Variants in NEDD4L observed in about 807,000 individuals in gnomAD.
NEDD4L encodes E3 ubiquitin-protein ligase NEDD4-like.
In NEDD4L, 54 loss-of-function variants were observed where a neutral mutation model predicts 148.9. The ratio of observed to expected loss-of-function variants is 0.36; its 90% CI spans 0.29 to 0.45. The LOEUF is 0.45. Ranked by LOEUF, NEDD4L falls within the 20% of genes least tolerant of loss-of-function variation. The pLI is 1.00. For missense variants in NEDD4L, 856 were observed against 1,233.8 expected (o/e 0.69, Z 4.59); for synonymous variants, 433 against 440.7 (o/e 0.98, Z 0.22).
At chr18:58,321,349 C>A (rs1310727372) in intron 6 of NEDD4L, among the ~76,000 whole-genome samples, 1 of 152,200 alleles carries the variant, frequency 6.6e-6, no homozygotes, top group South Asian at 2.1e-4. Context: ...AGTCAGCTGT[C>A]CAGCAGAGGG....
intron 2 of NEDD4L, among the ~76,000 whole-genome samples, chr18:58,174,488 A>G (rs1028988124): frequency 6.6e-6 from 1 of 152,098 alleles, no homozygotes; most frequent in African/African-American, 2.4e-5. Context: ...GCTGCTTCCT[A>G]TCACTATCAA....
intron 24 of NEDD4L, among the ~76,000 whole-genome samples, chr18:58,378,940 G>C (rs1297729515): frequency 6.6e-6 from 1 of 152,250 alleles, no homozygotes; most frequent in Non-Finnish European, 1.5e-5. Flanking sequence ...GTGAGGAAGA[G>C]AGCCAAGTTT....
intron 1 of NEDD4L, among the ~76,000 whole-genome samples, chr18:58,068,692 C>T (rs2082728414): frequency 6.6e-6 from 1 of 152,158 alleles, no homozygotes; most frequent in African/African-American, 2.4e-5. Flanking sequence ...TGGTTATTTT[C>T]CGTTGATTCA....
chr18:58,174,756 C>T (rs1215723949), intron 2 of NEDD4L, among the ~76,000 whole-genome samples: 2 of 152,112 alleles, frequency 1.3e-5, no homozygotes, highest in African/African-American at 4.8e-5. Flanking sequence ...TGGGGGCAGT[C>T]TCATCCCTCC....
intron 16 of NEDD4L, among the ~76,000 whole-genome samples, chr18:58,345,322 A>G (rs1357559713): frequency 6.6e-6 from 1 of 152,238 alleles, no homozygotes; most frequent in Non-Finnish European, 1.5e-5. Flanking sequence ...TTGCCTGTTC[A>G]TTTTGACAAA....
intron 1 of NEDD4L, among the ~76,000 whole-genome samples, chr18:58,069,631 C>T (rs2082770253): frequency 6.6e-6 from 1 of 152,166 alleles, no homozygotes; most frequent in Admixed American, 6.5e-5. Flanking sequence ...AACACTGATA[C>T]TGAGTTTAAA....
intron 1 of NEDD4L, among the ~76,000 whole-genome samples, chr18:58,102,890 T>A (rs1023584081): frequency 1.3e-5 from 2 of 152,192 alleles, no homozygotes; most frequent in South Asian, 4.1e-4. Context: ...AAATAAAATA[T>A]GTACTGTAAA....
At chr18:58,056,923 A>C (rs1010104480) in intron 1 of NEDD4L, among the ~76,000 whole-genome samples, 8 of 67,674 alleles carry the variant, frequency 1.2e-4, no homozygotes, top group Non-Finnish European at 2.6e-4. Context: ...TTGTTTGTTT[A>C]TAACTGTGTA....
At chr18:58,195,655 G>A (rs769110576) in intron 2 of NEDD4L, 186 of 1,351,738 alleles carry the variant, frequency 1.4e-4, no homozygotes, top group Middle Eastern at 8.4e-4. Flanking sequence ...CTGTTGTTAG[G>A]GGAAACAGAC....
intron 2 of NEDD4L, among the ~76,000 whole-genome samples, chr18:58,218,602 A>G (rs527794970): frequency 6.6e-6 from 1 of 152,244 alleles, no homozygotes; most frequent in African/African-American, 2.4e-5. Context: ...TGCTTATTGC[A>G]TTCTGCCCAG....
chr18:58,186,990 T>G (rs1422917582), intron 2 of NEDD4L, among the ~76,000 whole-genome samples: 7 of 152,254 alleles, frequency 4.6e-5, no homozygotes, highest in African/African-American at 1.7e-4. Flanking sequence ...GAACTCTTGT[T>G]CATGCTCTCA....
rs1449704902 is a variant in NEDD4L, at chr18:58,044,690, T to C, written c.30T>C (p.Tyr10=). 4 of 1,609,060 alleles carry C rather than the reference T, an allele frequency of 2.5e-6. No homozygotes were observed. Among genetic ancestry groups the C allele is most frequent in the East Asian group, 2.3e-5 (1 of 44,324 alleles). The change falls in exon 1 of 31, where the codon TAT becomes TAC. Residue 10 remains tyrosine (Y), a synonymous_variant. Coordinates refer to ENST00000400345, the MANE Select transcript of NEDD4L (RefSeq NM_001144967.3). Reference sequence around the variant, plus strand: ...CGACCGGGCTCGGGGAGCCGGTCTATGGACTTTCCGAAGACGAGGTGAGTG... The same window carrying C: ...CGACCGGGCTCGGGGAGCCGGTCTACGGACTTTCCGAAGACGAGGTGAGTG... The part of the protein sequence containing the change: MATGLGEPV[Y]GLSEDEGESR...
At chr18:58,096,347 A>ATTTTATTTTAT (rs764818089) in intron 1 of NEDD4L, among the ~76,000 whole-genome samples, 27 of 116,278 alleles carry the variant, frequency 2.3e-4, no homozygotes, top group Non-Finnish European at 3.8e-4. Context: ...ATTTTATTTT[A>ATTTTATTTTAT]TTTATTTTAT....
chr18:58,388,981 C>A, intron 27 of NEDD4L, 104 bp from the exon 28 acceptor site: 1 of 866,028 alleles, frequency 1.2e-6, no homozygotes, highest in Non-Finnish European at 1.9e-6. Context: ...AGCTTACCTT[C>A]GCGGCACAGT....
chr18:58,276,093 C>G (rs1457566070), intron 5 of NEDD4L, among the ~76,000 whole-genome samples: 1 of 151,988 alleles, frequency 6.6e-6, no homozygotes, highest in African/African-American at 2.4e-5. Flanking sequence ...AAAAATATTA[C>G]TACTGGTTTC....
intron 23 of NEDD4L, chr18:58,372,963 A>T: frequency 2.0e-6 from 1 of 501,574 alleles, no homozygotes; most frequent in Non-Finnish European, 3.6e-6. Flanking sequence ...TAAGGACAGG[A>T]TTTAACTGCA....
At chr18:58,192,597 C>T (rs2040230721) in intron 2 of NEDD4L, among the ~76,000 whole-genome samples, 1 of 152,218 alleles carries the variant, frequency 6.6e-6, no homozygotes, top group Non-Finnish European at 1.5e-5. Flanking sequence ...GCTGTCTTGA[C>T]ATGCTTTTCA....
intron 1 of NEDD4L, among the ~76,000 whole-genome samples, chr18:58,103,272 A>ATATTATATATAATATATATTATTATAT (rs112285345): frequency 7.3e-6 from 1 of 136,382 alleles, no homozygotes; most frequent in African/African-American, 3.2e-5. Context: ...TATATATTAT[A>ATATTATATATAATATATATTATTATAT]ATTATATATA....
At chr18:58,182,396 G>A (rs2038958522) in intron 2 of NEDD4L, among the ~76,000 whole-genome samples, 1 of 151,990 alleles carries the variant, frequency 6.6e-6, no homozygotes, top group Non-Finnish European at 1.5e-5. Flanking sequence ...AGTGTCAGTT[G>A]AGATGATGTT....
Sources: gnomAD v4.1 joint callset for allele counts (sites outside exome capture counted in the v4.1 genomes callset) on GRCh38, gnomAD v4.1.1 for gene constraint, MANE v1.5 for transcripts, NCBI Gene and HGNC (gene_info 2026-07-23, HGNC 2026-07-21) for gene names.